Variants in HDAC8 observed in about 807,000 individuals in gnomAD.
The protein encoded by HDAC8 is histone deacetylase-like 1.
A neutral mutation model predicts 32.2 loss-of-function variants in HDAC8; 1 was observed. The ratio of observed to expected loss-of-function variants is 0.03; its 90% CI spans 0.01 to 0.15. The LOEUF (loss-of-function observed/expected upper bound fraction) is 0.15. Among genes scored for constraint, HDAC8 ranks in the 10% least tolerant of loss-of-function variants. The pLI, the probability that HDAC8 is intolerant of heterozygous loss-of-function variation, is 1.00. For synonymous variants in HDAC8, 108 were observed against 113.9 expected (o/e 0.95, Z 0.33); for missense variants, 117 against 300.0 (o/e 0.39, Z 4.51).
chrX:72,532,249 ATTTTTT>A (rs34829256), intron 4 of HDAC8, among the ~76,000 whole-genome samples: 12 of 54,192 alleles, frequency 2.2e-4, no homozygotes, highest in African/African-American at 7.0e-4. Flanking sequence ...CGTGTTGGGC[ATTTTTT>A]TTTTTTTTTT....
At position 72,458,579 on chromosome X, in the gene HDAC8, TA is replaced by T. The variant is rs781829680; in HGVS notation, c.1005+3424del. 5.4e-5 allele frequency among the ~76,000 whole-genome samples: 6 copies of T among 111,541 alleles called. No homozygotes were observed. The East Asian group carries it at 1.7e-3, about 31-fold the overall frequency. On this transcript the variant is annotated intron_variant, in intron 9 of 10. Coordinates refer to ENST00000373573, the MANE Select transcript of HDAC8 (RefSeq NM_018486.3). ...GATTACGCTTCCAATTCTTTCATCT[TA>T]AAAAAATAGAAGTTTCCCAATATGA...
chrX:72,557,432 A>G (rs969437583), intron 4 of HDAC8, among the ~76,000 whole-genome samples: 4 of 111,708 alleles, frequency 3.6e-5, no homozygotes, highest in Non-Finnish European at 1.9e-5. Flanking sequence ...CCTCAAAACC[A>G]TGCAAATACA....
chrX:72,511,411 C>T (rs921948083), intron 4 of HDAC8, among the ~76,000 whole-genome samples: 1 of 111,417 alleles, frequency 9.0e-6, no homozygotes, highest in East Asian at 2.8e-4. Flanking sequence ...GAAATTGTGC[C>T]GGCTCAACCT....
At chrX:72,520,180 C>T (rs184956822) in intron 4 of HDAC8, among the ~76,000 whole-genome samples, 7 of 111,695 alleles carry the variant, frequency 6.3e-5, no homozygotes, top group Non-Finnish European at 1.3e-4. Context: ...GCCTAACCAG[C>T]GTCTCAAAAA....
intron 9 of HDAC8, among the ~76,000 whole-genome samples, chrX:72,374,482 G>T (rs1301293244): frequency 2.7e-5 from 3 of 111,247 alleles, no homozygotes; most frequent in African/African-American, 9.8e-5. Flanking sequence ...GACCAACCTG[G>T]GCAACATGGT....
At chrX:72,344,489 G>T (rs1555946257) in intron 10 of HDAC8, among the ~76,000 whole-genome samples, 1 of 111,879 alleles carries the variant, frequency 8.9e-6, no homozygotes, top group Non-Finnish European at 1.9e-5. Context: ...ACTTAACATT[G>T]TAATCATGAG....
At chrX:72,559,883 G>C (rs1397254519) in intron 4 of HDAC8, among the ~76,000 whole-genome samples, 1 of 109,549 alleles carries the variant, frequency 9.1e-6, no homozygotes, top group Admixed American at 9.6e-5. Flanking sequence ...CAGCCACCCC[G>C]TCCGGGAGGG....
At chrX:72,393,712 C>A (rs1266416718) in intron 9 of HDAC8, among the ~76,000 whole-genome samples, 2 of 111,394 alleles carry the variant, frequency 1.8e-5, no homozygotes, top group Non-Finnish European at 3.8e-5. Flanking sequence ...TAACACCCCC[C>A]ACTCCCCGAT....
At chrX:72,409,604 G>A (rs2046139752) in intron 9 of HDAC8, among the ~76,000 whole-genome samples, 1 of 112,292 alleles carries the variant, frequency 8.9e-6, no homozygotes, top group Non-Finnish European at 1.9e-5. Context: ...ATATAACAAC[G>A]GGTTCCTTCT....
rs782718529 is a variant in HDAC8, at chrX:72,402,142, C to T, written c.1006-50304G>A. Among the ~76,000 whole-genome samples, 10 of 111,335 alleles carry T rather than the reference C, an allele frequency of 9.0e-5. No individual in the cohort carries two copies. In the East Asian group the frequency reaches 2.5e-3, roughly 28 times the overall value. ...TCATGCGGGTAGTGTAATTTGTTCA[C>T]GTACAATTGTTCATTGCATTCTGTT... On this transcript the variant is annotated intron_variant, in intron 9 of 10. Transcript: ENST00000373573.
At chrX:72,485,937 C>T (rs1011160659) in intron 7 of HDAC8, among the ~76,000 whole-genome samples, 25 of 109,888 alleles carry the variant, frequency 2.3e-4, no homozygotes, top group East Asian at 2.0e-3. Flanking sequence ...GTGGCTAACA[C>T]GGTGAAACCC....
chrX:72,433,178 C>G (rs1274715725), intron 9 of HDAC8, among the ~76,000 whole-genome samples: 1 of 111,438 alleles, frequency 9.0e-6, no homozygotes, highest in Non-Finnish European at 1.9e-5. Context: ...GCCCTGCTCC[C>G]CAGAATATCT....
intron 9 of HDAC8, among the ~76,000 whole-genome samples, chrX:72,406,979 T>A (rs1364456233): frequency 8.9e-6 from 1 of 112,084 alleles, no homozygotes; most frequent in African/African-American, 3.2e-5. Flanking sequence ...CAGAGCTAGG[T>A]TACACCCTTG....
At chrX:72,331,239 C>A (rs1184363890) in intron 10 of HDAC8, among the ~76,000 whole-genome samples, 2 of 111,151 alleles carry the variant, frequency 1.8e-5, no homozygotes, top group African/African-American at 6.5e-5. Context: ...CCGGCCTTGC[C>A]TATCTACTTT....
At chrX:72,526,706 G>A (rs113204324) in intron 4 of HDAC8, among the ~76,000 whole-genome samples, 335 of 111,382 alleles carry the variant, frequency 3.0e-3, no homozygotes, top group Non-Finnish European at 5.3e-3. Context: ...CAGGTACCTC[G>A]AAGACACCAT....
chrX:72,349,705 C>T (rs1030429997), intron 10 of HDAC8, among the ~76,000 whole-genome samples: 8 of 111,863 alleles, frequency 7.2e-5, no homozygotes, highest in Non-Finnish European at 1.3e-4. Flanking sequence ...TCCTCGTTCT[C>T]TTCCCTTTGC....
At chrX:72,528,730 C>T (rs1476971417) in intron 4 of HDAC8, among the ~76,000 whole-genome samples, 1 of 111,446 alleles carries the variant, frequency 9.0e-6, no homozygotes, top group African/African-American at 3.3e-5. Flanking sequence ...ACCAACCAGG[C>T]CATTCTTATC....
At chrX:72,457,829 A>G (rs1326241262) in intron 9 of HDAC8, among the ~76,000 whole-genome samples, 2 of 112,034 alleles carry the variant, frequency 1.8e-5, no homozygotes, top group Admixed American at 1.9e-4. Flanking sequence ...CTGTTTTTTT[A>G]TTAGTAACAT....
At chrX:72,503,297 G>A (rs781949149) in intron 4 of HDAC8, among the ~76,000 whole-genome samples, 92 of 112,118 alleles carry the variant, frequency 8.2e-4, no homozygotes, top group South Asian at 7.1e-3. Context: ...ACAACTTTGA[G>A]ACCACACTAG....
Sources: allele counts gnomAD v4.1 joint callset (sites outside exome capture counted in the v4.1 genomes callset), GRCh38; gene constraint gnomAD v4.1.1; transcripts MANE v1.5; gene names NCBI Gene and HGNC (gene_info 2026-07-23, HGNC 2026-07-21).